Variants in FAM91A1 observed in about 807,000 individuals in gnomAD.
FAM91A1 encodes protein FAM91A1.
In FAM91A1, 41 loss-of-function variants were observed where a neutral mutation model predicts 113.5. That is an observed-to-expected ratio of 0.36 (90% CI 0.28 to 0.47). The LOEUF is 0.47. FAM91A1 is among the 20% of genes least tolerant of loss of function. FAM91A1 has a pLI of 1.00. For missense variants in FAM91A1, 696 were observed against 1,001.2 expected, an observed-to-expected ratio of 0.70 and a Z score of 4.11; for synonymous variants, 307 against 347.9, an observed-to-expected ratio of 0.88 and a Z score of 1.31.
chr8:123,793,913 G>A (rs372563775), intron 15 of FAM91A1, among the ~76,000 whole-genome samples: 7 of 152,134 alleles, frequency 4.6e-5, no homozygotes, highest in African/African-American at 1.2e-4. Flanking sequence ...ATAGGATTTC[G>A]TATTGTTCAA....
intron 11 of FAM91A1, chr8:123,786,092 T>G: frequency 3.1e-6 from 1 of 319,996 alleles, no homozygotes; most frequent in Non-Finnish European, 6.1e-6. Context: ...GTGTTGGGAT[T>G]GCAGGTGTGA....
At chr8:123,779,208 C>G (rs567742633) in intron 6 of FAM91A1, among the ~76,000 whole-genome samples, 1 of 152,140 alleles carries the variant, frequency 6.6e-6, no homozygotes, top group South Asian at 2.1e-4. Flanking sequence ...GGAAAGTGAG[C>G]ACAGAACAAT....
chr8:123,777,013 ATGGGGCAGCTGCC>A (rs1815000275), intron 3 of FAM91A1, among the ~76,000 whole-genome samples: 1 of 152,162 alleles, frequency 6.6e-6, no homozygotes, highest in Non-Finnish European at 1.5e-5. Context: ...GGCAGAGGTT[ATGGGGCAGCTGCC>A]TGGGATTCGT....
chr8:123,794,909 T>TAAATAAGAGA (rs1815474283), intron 15 of FAM91A1, among the ~76,000 whole-genome samples: 1 of 152,238 alleles, frequency 6.6e-6, no homozygotes, highest in Non-Finnish European at 1.5e-5. Context: ...AGACGATTGT[T>TAAATAAGAGA]AAATAAGAGA....
rs767549124 is a variant in FAM91A1 at position 123,808,258 on chromosome 8, C to A, written c.2033-14C>A. The A allele has an allele frequency of 2.5e-6, 4 of 1,602,620 alleles. No homozygotes were observed. Among genetic ancestry groups the A allele is most frequent in the Non-Finnish European group, 2.6e-6 (3 of 1,172,260 alleles). On this transcript the variant is annotated splice_polypyrimidine_tract_variant and intron_variant, in intron 20 of 23. Transcript: ENST00000334705. Reference sequence around the variant, plus strand: ...GCTAGAATCCTAATATTGTGTATGCCCTTTAATTATAAGGAGAACCTGATT... The same window carrying A: ...GCTAGAATCCTAATATTGTGTATGCACTTTAATTATAAGGAGAACCTGATT...
chr8:123,785,805 A>G (rs1020346680), intron 11 of FAM91A1, 64 bp downstream of exon 11: 25 of 869,752 alleles, frequency 2.9e-5, no homozygotes, highest in South Asian at 1.8e-4. Flanking sequence ...TTAATTTTAC[A>G]TACATAAATT....
chr8:123,781,388 TATC>T (rs1815116937), intron 8 of FAM91A1, among the ~76,000 whole-genome samples: 1 of 152,180 alleles, frequency 6.6e-6, no homozygotes, highest in South Asian at 2.1e-4. Context: ...CTTGACAAGA[TATC>T]ATGCTGTAGC....
intron 8 of FAM91A1, among the ~76,000 whole-genome samples, chr8:123,784,150 TCCCCCATTCTGAAGCAG>T (rs1278481574): frequency 6.6e-6 from 1 of 152,122 alleles, no homozygotes; most frequent in Non-Finnish European, 1.5e-5. Flanking sequence ...CTTTGCAGGC[TCCCCCATTCTGAAGCAG>T]CCCCTGTTCC....
At chr8:123,786,175 T>A in intron 11 of FAM91A1, 1 of 282,116 alleles carries the variant, frequency 3.5e-6, no homozygotes, top group Non-Finnish European at 6.8e-6. Flanking sequence ...ATTAGTGATT[T>A]TTAATCTTGT....
chr8:123,799,369 T>G (rs1002980200), intron 16 of FAM91A1, 151 bp from the exon 17 acceptor site: 1 of 682,032 alleles, frequency 1.5e-6, no homozygotes, highest in African/African-American at 1.9e-5. Flanking sequence ...AGTATAAAAT[T>G]GAAACTATTT....
intron 12 of FAM91A1, 52 bp downstream of exon 12, chr8:123,786,662 T>TCCA (rs753901248): frequency 1.6e-6 from 2 of 1,286,410 alleles, no homozygotes; most frequent in African/African-American, 1.5e-5. Flanking sequence ...ACGGCACATG[T>TCCA]CCAAACATAC....
At position 123,793,571 on chromosome 8, in the gene FAM91A1, C is replaced by T. The variant is rs190393078; in HGVS notation, c.1411+3826C>T. Among the ~76,000 whole-genome samples, 325 of 152,316 alleles carry T rather than the reference C, an allele frequency of 2.1e-3. 1 individual carries two copies. Among genetic ancestry groups the T allele is most frequent in the Non-Finnish European group, 3.6e-3 (247 of 68,030 alleles). On this transcript the variant is annotated intron_variant, in intron 15 of 23. Transcript: ENST00000334705. The stretch of plus-strand genomic sequence containing the variant: ...GCCATGAGGATTTCCTTTAAGCTTG[C>T]TCCTGTCTCCTTTCTCCTTATGACA...
rs1412141030 is a variant in FAM91A1, at chr8:123,787,755, A to G, written c.1278+5A>G. 15 of 1,606,788 alleles carry G rather than the reference A, an allele frequency of 9.3e-6. No individual in the cohort carries two copies. In the East Asian group the frequency reaches 3.1e-4, roughly 34 times the overall value. On this transcript the variant is annotated splice_donor_5th_base_variant and intron_variant, in intron 14 of 23. Coordinates refer to ENST00000334705, the MANE Select transcript of FAM91A1 (RefSeq NM_144963.4). Reference sequence around the variant, plus strand: ...TTTCTTATAGAACTAGAAAAGGTAAATGTAGATTGCATGTAAGGGGATGTT... The same window carrying G: ...TTTCTTATAGAACTAGAAAAGGTAAGTGTAGATTGCATGTAAGGGGATGTT...
chr8:123,793,848 C>T (rs1815442939), intron 15 of FAM91A1, among the ~76,000 whole-genome samples: 1 of 152,166 alleles, frequency 6.6e-6, no homozygotes, highest in Non-Finnish European at 1.5e-5. Flanking sequence ...GAGGATATAG[C>T]TACCTTGCTC....
intron 14 of FAM91A1, chr8:123,788,090 C>CT (rs1249281127): frequency 2.8e-6 from 2 of 717,296 alleles, no homozygotes; most frequent in Admixed American, 6.3e-5. Flanking sequence ...GTATGACTCT[C>CT]TAAGATCACC....
At chr8:123,787,497 G>T in intron 13 of FAM91A1, 124 bp downstream of exon 13, 2 of 991,594 alleles carry the variant, frequency 2.0e-6, no homozygotes, top group South Asian at 3.4e-5. Flanking sequence ...TGACTTAGAG[G>T]AGTATAATAA....
rs182193964 is a variant in FAM91A1, at chr8:123,808,675, C to T, written c.2138-218C>T. On this transcript the variant is annotated intron_variant, in intron 21 of 23. Transcript: ENST00000334705. ...TGAACATTGGATGAAAGCTATGTAC[C>T]TTCTCAGACACATGTTTATACCCTA... 616 of 505,636 alleles carry T rather than the reference C, an allele frequency of 1.2e-3. 4 individuals carry two copies. The highest frequency in any genetic ancestry group is 0.01 in the African/African-American group (542 of 51,788). The allele number at this position is 505,636 out of a possible 1,614,324, so 31.3% of individuals were successfully genotyped here.
At chr8:123,769,213 G>C (rs1189146132) in intron 1 of FAM91A1, among the ~76,000 whole-genome samples, 3 of 152,232 alleles carry the variant, frequency 2.0e-5, no homozygotes, top group African/African-American at 7.2e-5. Flanking sequence ...GGGAGAGTTG[G>C]AAGGATTTTT....
In FAM91A1 at chr8:123,785,920, C is replaced by T. The variant is rs191700271; in HGVS notation, c.962+179C>T. 2,624 of 480,898 alleles carry T rather than the reference C, an allele frequency of 5.5e-3. 31 individuals carry two copies. The highest frequency in any genetic ancestry group is 8.1e-3 in the South Asian group (382 of 47,212). 29.8% of individuals were successfully genotyped at this position (480,898 alleles called of 1,614,324 possible). ...GCAACCTCCACCTCCCCGTTTCAAG[C>T]GATTTTCATGCCTCAGCCTCCTGAG... is the stretch of plus-strand genomic sequence containing the variant. On this transcript the variant is annotated intron_variant, in intron 11 of 23. Coordinates refer to ENST00000334705, the MANE Select transcript of FAM91A1 (RefSeq NM_144963.4).
Sources: allele counts gnomAD v4.1 joint callset (sites outside exome capture counted in the v4.1 genomes callset), GRCh38; gene constraint gnomAD v4.1.1; transcripts MANE v1.5; gene names NCBI Gene and HGNC (gene_info 2026-07-23, HGNC 2026-07-21).